RABGAP1L: variants seen among roughly 807,000 people sequenced by gnomAD.
RABGAP1L encodes RAB GTPase activating protein 1 like.
In RABGAP1L, 63 loss-of-function variants were observed where a neutral mutation model predicts 137.7. The observed-to-expected ratio is 0.46, with a 90% CI of 0.37 to 0.56. The LOEUF (loss-of-function observed/expected upper bound fraction) is 0.56. RABGAP1L is among the 20% of genes least tolerant of loss of function. The pLI is 0.00. For missense variants in RABGAP1L, 1,095 were observed against 1,244.0 expected, an observed-to-expected ratio of 0.88 and a Z score of 1.80; for synonymous variants, 431 against 433.7, an observed-to-expected ratio of 0.99 and a Z score of 0.08.
In RABGAP1L at chr1:174,467,272, T is replaced by C. The variant is rs138789855; in HGVS notation, c.1710+73127T>C. 2.8e-4 allele frequency among the ~76,000 whole-genome samples: 42 copies of C among 152,316 alleles called. No homozygotes were observed. The East Asian group carries it at 7.9e-3, about 29-fold the overall frequency. On this transcript the variant is annotated intron_variant, in intron 13 of 25. Transcript: ENST00000681986. ...ATCTCTGAAATCCATATGTTCTTATTGAAAGCTTAAAATTTGTCTTCTCTG... is the reference window on the plus strand; with the variant it reads ...ATCTCTGAAATCCATATGTTCTTATCGAAAGCTTAAAATTTGTCTTCTCTG...
At chr1:174,701,343 G>A (rs1006901536) in intron 16 of RABGAP1L, among the ~76,000 whole-genome samples, 23 of 152,066 alleles carry the variant, frequency 1.5e-4, no homozygotes, top group Admixed American at 1.3e-3. Flanking sequence ...ATAGTTTGTC[G>A]TGGCTTAGAA....
intron 19 of RABGAP1L, among the ~76,000 whole-genome samples, chr1:174,854,740 T>TTTTTTTTTTTTTTTTTTTTTTTTTTTTTC (rs1648996382): frequency 1.3e-5 from 1 of 74,388 alleles, no homozygotes; most frequent in Non-Finnish European, 2.8e-5. Context: ...TTTTTTTTTT[T>TTTTTTTTTTTTTTTTTTTTTTTTTTTTTC]TTTTTTTTTT....
chr1:174,198,867 A>G (rs944180013), intron 1 of RABGAP1L, among the ~76,000 whole-genome samples: 1 of 152,134 alleles, frequency 6.6e-6, no homozygotes, highest in African/African-American at 2.4e-5. Context: ...CCAGTACTTT[A>G]GGAGGCTGAG....
intron 18 of RABGAP1L, among the ~76,000 whole-genome samples, chr1:174,783,707 C>CTTTTTTTTTTTTTTT (rs34367315): frequency 9.8e-5 from 10 of 102,468 alleles, no homozygotes; most frequent in Admixed American, 2.4e-4. Flanking sequence ...TCTTCTTCTT[C>CTTTTTTTTTTTTTTT]TTTTTTTTTT....
intron 14 of RABGAP1L, among the ~76,000 whole-genome samples, chr1:174,680,632 C>T (rs532080771): frequency 6.6e-6 from 1 of 152,202 alleles, no homozygotes; most frequent in Non-Finnish European, 1.5e-5. Flanking sequence ...AACAATTGGG[C>T]AGGCTGTAAT....
intron 19 of RABGAP1L, among the ~76,000 whole-genome samples, chr1:174,815,360 T>C (rs1426138935): frequency 1.3e-5 from 2 of 152,210 alleles, no homozygotes; most frequent in Non-Finnish European, 2.9e-5. Flanking sequence ...ACTGCAGGCA[T>C]GGAATAGGCA....
chr1:174,613,500 G>A (rs1274754709), intron 13 of RABGAP1L, among the ~76,000 whole-genome samples: 2 of 152,144 alleles, frequency 1.3e-5, no homozygotes, highest in African/African-American at 4.8e-5. Context: ...TTTGGAATAG[G>A]TGTGGTTTGG....
intron 19 of RABGAP1L, among the ~76,000 whole-genome samples, chr1:174,867,643 G>A (rs1190492028): frequency 6.6e-6 from 1 of 152,086 alleles, no homozygotes; most frequent in Non-Finnish European, 1.5e-5. Context: ...TTTAGTAGTA[G>A]TGTGACTTAT....
chr1:174,662,406 GTTGTTTGT>G (rs556333223), intron 14 of RABGAP1L, among the ~76,000 whole-genome samples: 5 of 150,014 alleles, frequency 3.3e-5, no homozygotes, highest in East Asian at 2.0e-4. Context: ...GCCTGGCCTG[GTTGTTTGT>G]TTGTTTGTTT....
At chr1:174,692,558 G>A (rs1382755809) in intron 15 of RABGAP1L, among the ~76,000 whole-genome samples, 1 of 152,080 alleles carries the variant, frequency 6.6e-6, no homozygotes, top group Non-Finnish European at 1.5e-5. Context: ...TCTTCCTAGT[G>A]ATACACAAGA....
intron 13 of RABGAP1L, among the ~76,000 whole-genome samples, chr1:174,506,425 C>T (rs1254625191): frequency 1.3e-5 from 2 of 151,934 alleles, no homozygotes; most frequent in East Asian, 3.9e-4. Flanking sequence ...ATAATTAAAA[C>T]AAATTTAAAA....
intron 7 of RABGAP1L, 96 bp from the exon 8 acceptor site, chr1:174,272,318 C>G: frequency 7.8e-7 from 1 of 1,281,762 alleles, no homozygotes; most frequent in Non-Finnish European, 1.1e-6. Context: ...ATACAGAGCT[C>G]AGATTGTATA....
At chr1:174,732,210 A>AC (rs1359195076) in intron 17 of RABGAP1L, among the ~76,000 whole-genome samples, 2 of 151,894 alleles carry the variant, frequency 1.3e-5, no homozygotes, top group East Asian at 3.9e-4. Context: ...CCAAAAAAAA[A>AC]AAACATGGAT....
chr1:174,257,382 ATCAACTTGAATATAGAAACC>A (rs1465620049), intron 7 of RABGAP1L, among the ~76,000 whole-genome samples: 2 of 152,206 alleles, frequency 1.3e-5, no homozygotes, highest in Non-Finnish European at 2.9e-5. Context: ...TCCATGTTTG[ATCAACTTGAATATAGAAACC>A]TAGACAAATA....
chr1:174,706,229 G>T (rs1425897769), intron 17 of RABGAP1L, among the ~76,000 whole-genome samples: 1 of 152,108 alleles, frequency 6.6e-6, no homozygotes, highest in Non-Finnish European at 1.5e-5. Context: ...TGACAATGCA[G>T]CCTGACTGAA....
chr1:174,803,236 C>G (rs1217019105), intron 18 of RABGAP1L, among the ~76,000 whole-genome samples: 1 of 152,160 alleles, frequency 6.6e-6, no homozygotes, highest in African/African-American at 2.4e-5. Context: ...AAGGAGGTTA[C>G]TGATATAATA....
At chr1:174,660,848 T>G (rs112315419) in intron 14 of RABGAP1L, among the ~76,000 whole-genome samples, 5 of 152,366 alleles carry the variant, frequency 3.3e-5, no homozygotes, top group African/African-American at 1.2e-4. Flanking sequence ...AGCTCAGCAT[T>G]CCTCAGCCCT....
chr1:174,383,929 C>G (rs569154852), intron 12 of RABGAP1L, among the ~76,000 whole-genome samples: 1 of 152,158 alleles, frequency 6.6e-6, no homozygotes, highest in Non-Finnish European at 1.5e-5. Flanking sequence ...CCCAGCAATT[C>G]CAGTCCCACT....
At chr1:174,277,127 C>G (rs1002340068) in intron 9 of RABGAP1L, among the ~76,000 whole-genome samples, 10 of 151,852 alleles carry the variant, frequency 6.6e-5, no homozygotes, top group Non-Finnish European at 1.5e-4. Flanking sequence ...CTTTCATTTC[C>G]TTAAAGAGAG....
Sources: gnomAD v4.1 joint callset for allele counts (sites outside exome capture counted in the v4.1 genomes callset) on GRCh38, gnomAD v4.1.1 for gene constraint, MANE v1.5 for transcripts, NCBI Gene and HGNC (gene_info 2026-07-23, HGNC 2026-07-21) for gene names.